The following PPIP5K2 variants were observed in gnomAD, a reference collection of about 807,000 sequenced individuals.
PPIP5K2 encodes the protein inositol hexakisphosphate and diphosphoinositol-pentakisphosphate kinase 2.
Under a neutral mutation model 154.6 loss-of-function variants are expected in PPIP5K2, and 105 were observed. The observed-to-expected ratio is 0.68, with a 90% CI of 0.58 to 0.80. PPIP5K2 has a LOEUF of 0.80. Among genes scored for constraint, PPIP5K2 ranks in the 30% least tolerant of loss-of-function variants. The probability of loss-of-function intolerance (pLI) is 0.00; values close to 1 mark genes in which losing one functional copy is unlikely to be tolerated. For synonymous variants in PPIP5K2, 480 were observed against 490.3 expected (o/e 0.98, Z 0.28); for missense variants, 992 against 1,504.6 (o/e 0.66, Z 5.64).
intron 24 of PPIP5K2, among the ~76,000 whole-genome samples, chr5:103,180,402 A>G (rs1308515441): frequency 2.0e-5 from 3 of 152,154 alleles, no homozygotes; most frequent in Admixed American, 2.0e-4. Context: ...AGTTTTCATA[A>G]AAAAAGGATG....
In PPIP5K2 at chr5:103,206,349, A is replaced by G. The variant is rs894985852; in HGVS notation, c.*4715A>G. The G allele has an allele frequency of 1.3e-5, 2 of 152,180 alleles. No individual in the cohort carries two copies. Among genetic ancestry groups the G allele is most frequent in the Non-Finnish European group, 2.9e-5 (2 of 68,036 alleles). 9.4% of individuals were successfully genotyped at this position (152,180 alleles called of 1,614,324 possible). Reference sequence around the variant, plus strand: ...TATTTTTTTTGTTCATGTCCAACACAATAAAAATTGAGGGAAGTTCTGTCC... The same window carrying G: ...TATTTTTTTTGTTCATGTCCAACACGATAAAAATTGAGGGAAGTTCTGTCC... On this transcript the variant is annotated 3_prime_UTR_variant, in exon 31 of 31. Coordinates refer to ENST00000358359, the MANE Select transcript of PPIP5K2 (RefSeq NM_001276277.3).
intron 21 of PPIP5K2, 93 bp from the exon 22 acceptor site, chr5:103,177,574 C>T (rs1798907634): frequency 1.3e-6 from 1 of 747,514 alleles, no homozygotes; most frequent in South Asian, 1.9e-5. Context: ...TATGTGGTAT[C>T]ACTAGGATTA....
At chr5:103,162,814 G>C (rs1056913380) in intron 17 of PPIP5K2, among the ~76,000 whole-genome samples, 1 of 151,946 alleles carries the variant, frequency 6.6e-6, no homozygotes, top group Non-Finnish European at 1.5e-5. Context: ...TAAACTTACT[G>C]TTTTGCTCTT....
intron 5 of PPIP5K2, among the ~76,000 whole-genome samples, chr5:103,139,687 G>T (rs1312928379): frequency 1.1e-4 from 16 of 152,198 alleles, no homozygotes; most frequent in Admixed American, 7.8e-4. Flanking sequence ...ACTAAATAAG[G>T]TACCAGTTAC....
chr5:103,147,897 CT>C, intron 6 of PPIP5K2, 33 bp from the exon 7 acceptor site: 1 of 1,373,678 alleles, frequency 7.3e-7, no homozygotes, highest in Non-Finnish European at 1.0e-6. Flanking sequence ...AAATAATTTG[CT>C]TTTTTATATC....
At chr5:103,169,233 G>A (rs1346246689) in intron 19 of PPIP5K2, among the ~76,000 whole-genome samples, 3 of 151,726 alleles carry the variant, frequency 2.0e-5, no homozygotes, top group Non-Finnish European at 4.4e-5. Context: ...AGTTCCAGAT[G>A]TCACTTTTGG....
chr5:103,148,547 G>T (rs1794101005), intron 7 of PPIP5K2, among the ~76,000 whole-genome samples: 1 of 152,074 alleles, frequency 6.6e-6, no homozygotes, highest in African/African-American at 2.4e-5. Flanking sequence ...ATCTGAGTAT[G>T]AATCCTTAAA....
intron 5 of PPIP5K2, among the ~76,000 whole-genome samples, chr5:103,144,418 A>C (rs1409173313): frequency 1.3e-5 from 2 of 151,944 alleles, no homozygotes; most frequent in Non-Finnish European, 2.9e-5. Context: ...ACAGAAATAG[A>C]AAAAAAATAC....
chr5:103,172,446 G>C (rs751153357), intron 19 of PPIP5K2, among the ~76,000 whole-genome samples: 1 of 151,206 alleles, frequency 6.6e-6, no homozygotes, highest in Admixed American at 6.6e-5. Context: ...CTTGGAGAGA[G>C]AAGGTATATG....
intron 17 of PPIP5K2, 110 bp downstream of exon 17, chr5:103,159,438 G>A (rs1795888459): frequency 2.2e-6 from 2 of 904,322 alleles, no homozygotes; most frequent in Middle Eastern, 2.6e-4. Flanking sequence ...AAATACACAT[G>A]TTATCATCCT....
rs1444929957 is a variant in PPIP5K2 at position 103,155,484 on chromosome 5, G to A, written c.1404-425G>A. On this transcript the variant is annotated intron_variant, in intron 13 of 30. Coordinates refer to ENST00000358359, the MANE Select transcript of PPIP5K2 (RefSeq NM_001276277.3). The stretch of plus-strand genomic sequence containing the variant: ...TTCTGTCACCCAGGCTGGAGTCAGT[G>A]GTGTGATCTCAGCTCACTGCAACCT... Among the ~76,000 whole-genome samples, 10 of 121,240 alleles carry A rather than the reference G, an allele frequency of 8.2e-5. No individual in the cohort carries two copies. In the Admixed American group the frequency reaches 1.1e-3, roughly 13 times the overall value. The allele number at this position is 121,240 out of a possible 152,430, so 79.5% of individuals were successfully genotyped here.
rs1803098395 is a variant in PPIP5K2 at position 103,202,008 on chromosome 5, C to A, written c.*374C>A. On this transcript the variant is annotated 3_prime_UTR_variant, in exon 31 of 31. Coordinates refer to ENST00000358359, the MANE Select transcript of PPIP5K2 (RefSeq NM_001276277.3). ...TTATTTTCATGGGATTGCATCTTAGCTGTTAAAACTTCTAGATTGAAATTT... is the reference window on the plus strand; with the variant it reads ...TTATTTTCATGGGATTGCATCTTAGATGTTAAAACTTCTAGATTGAAATTT... 1 of 159,206 alleles carries A rather than the reference C, an allele frequency of 6.3e-6. No homozygotes were observed. The highest frequency in any genetic ancestry group is 1.4e-5 in the Non-Finnish European group (1 of 72,824). 9.9% of individuals were successfully genotyped at this position (159,206 alleles called of 1,614,324 possible). A position where few individuals can be genotyped will look rare whatever the true frequency, so the allele number is the denominator to read the frequency against.
intron 3 of PPIP5K2, chr5:103,135,968 CTTTT>C (rs1159954877): frequency 5.2e-5 from 6 of 116,306 alleles, no homozygotes; most frequent in Admixed American, 2.6e-4. Context: ...GCTTCTGTAG[CTTTT>C]TTTTTTTTTT....
At chr5:103,185,689 A>T (rs1386478840) in intron 26 of PPIP5K2, among the ~76,000 whole-genome samples, 1 of 152,058 alleles carries the variant, frequency 6.6e-6, no homozygotes, top group East Asian at 1.9e-4. Flanking sequence ...ATTTGCTTAT[A>T]ATGTTTTTCA....
chr5:103,149,326 A>G lies in PPIP5K2; in HGVS notation c.906+13A>G. On this transcript the variant is annotated intron_variant, in intron 8 of 30. Transcript: ENST00000358359. Reference sequence around the variant, plus strand: ...CCTTGCTTTTAAGGTAAGATGTTATACAGGCCTATAGATCCTTATAAAGGT... The same window carrying G: ...CCTTGCTTTTAAGGTAAGATGTTATGCAGGCCTATAGATCCTTATAAAGGT... 6.2e-7 allele frequency: 1 copy of G among 1,609,716 alleles called. No individual in the cohort carries two copies. Among genetic ancestry groups the G allele is most frequent in the Admixed American group, 1.7e-5 (1 of 59,592 alleles).
rs114672550 is a variant in PPIP5K2 at position 103,176,311 on chromosome 5, C to T, written c.2530-1356C>T. 8.7e-3 allele frequency among the ~76,000 whole-genome samples: 1,328 copies of T among 151,998 alleles called. 8 individuals carry two copies. Among genetic ancestry groups the T allele is most frequent in the Non-Finnish European group, 0.013 (855 of 67,886 alleles). ...CTGGAGTATCACAAAATCACAAGAT[C>T]AATTATCTGTTCACCTAATGAAAAT... On this transcript the variant is annotated intron_variant, in intron 21 of 30. Transcript: ENST00000358359.
At position 103,211,601 on chromosome 5, in the gene PPIP5K2, C is replaced by A. The variant is rs26259; in HGVS notation, c.*9967C>A. On this transcript the variant is annotated 3_prime_UTR_variant, in exon 31 of 31. Transcript: ENST00000358359. ...GGTAGCCCCTTCTAAAATGCAAATG[C>A]CCTTTGAAGGCCAGCTTTATTAATC... 5 of 152,010 alleles carry A rather than the reference C, an allele frequency of 3.3e-5. No homozygotes were observed. The highest frequency in any genetic ancestry group is 5.9e-5 in the Non-Finnish European group (4 of 67,896). 9.4% of individuals were successfully genotyped at this position (152,010 alleles called of 1,614,324 possible).
chr5:103,187,241 T>C (rs1230847342), intron 27 of PPIP5K2, 73 bp from the exon 28 acceptor site: 4 of 1,167,768 alleles, frequency 3.4e-6, no homozygotes, highest in Non-Finnish European at 4.9e-6. Context: ...TATATTTGTT[T>C]TTCCCCTCTT....
Position 103,179,919 on chromosome 5 carries a change from A to G in PPIP5K2, c.2755-102A>G, listed in dbSNP as rs187283549. 182 of 945,578 alleles carry G rather than the reference A, an allele frequency of 1.9e-4. No individual in the cohort carries two copies. In the African/African-American group the frequency reaches 2.7e-3, roughly 14 times the overall value. 58.6% of individuals were successfully genotyped at this position (945,578 alleles called of 1,614,324 possible). On this transcript the variant is annotated intron_variant, in intron 23 of 30. Coordinates refer to ENST00000358359, the MANE Select transcript of PPIP5K2 (RefSeq NM_001276277.3). ...AATTCATCTGAGTAAACAAACTTGTATATGTATTTCAAGTACCTCTACCAG... is the reference window on the plus strand; with the variant it reads ...AATTCATCTGAGTAAACAAACTTGTGTATGTATTTCAAGTACCTCTACCAG...
Sources: gnomAD v4.1 joint callset for allele counts (sites outside exome capture counted in the v4.1 genomes callset) on GRCh38, gnomAD v4.1.1 for gene constraint, MANE v1.5 for transcripts, NCBI Gene and HGNC (gene_info 2026-07-23, HGNC 2026-07-21) for gene names.